Variants in SPMIP4 observed in about 807,000 individuals in gnomAD.
SPMIP4 encodes the protein sperm-associated microtubule inner protein 4.
At chr7:25,142,684 A>G in the SPMIP4 span, 9 of 1,613,342 alleles carry the variant, frequency 5.6e-6, no homozygotes, top group Non-Finnish European at 6.8e-6. Context: ...GGACCTCTCA[A>G]GATTTCTTTG....
chr7:25,146,168 G>A, the SPMIP4 span, among the ~76,000 whole-genome samples: 2 of 152,214 alleles, frequency 1.3e-5, no homozygotes, highest in South Asian at 4.1e-4. Context: ...GAGAGATGGA[G>A]AGAGGGAGCA....
chr7:25,168,359 T>C, the SPMIP4 span: 1 of 1,613,382 alleles, frequency 6.2e-7, no homozygotes, highest in East Asian at 2.2e-5. Context: ...GGCTCATACT[T>C]TGGCCTGTGG....
At chr7:25,176,234 T>C in the SPMIP4 span, among the ~76,000 whole-genome samples, 2 of 152,290 alleles carry the variant, frequency 1.3e-5, no homozygotes, top group African/African-American at 4.8e-5. This position sits in a 1 kb window ranked among gnomAD's most constrained non-coding sequence, Gnocchi z 4.4. Context: ...GGATCAACAT[T>C]TCAGTGAAAA....
At chr7:25,155,049 G>A in the SPMIP4 span, 1 of 1,614,006 alleles carries the variant, frequency 6.2e-7, no homozygotes, top group Non-Finnish European at 8.5e-7. Context: ...AGCCTTGGTT[G>A]GCACCGTGGG....
chr7:25,149,608 C>G, the SPMIP4 span, among the ~76,000 whole-genome samples: 4 of 152,148 alleles, frequency 2.6e-5, no homozygotes, highest in African/African-American at 9.7e-5. Flanking sequence ...GGGATATACA[C>G]ATAACACATT....
chr7:25,158,960 A>T, the SPMIP4 span, among the ~76,000 whole-genome samples: 2 of 152,232 alleles, frequency 1.3e-5, no homozygotes, highest in Non-Finnish European at 2.9e-5. Context: ...TTGACAAGAC[A>T]GGCATATGTT....
the SPMIP4 span, among the ~76,000 whole-genome samples, chr7:25,165,828 G>T: frequency 6.6e-6 from 1 of 152,204 alleles, no homozygotes; most frequent in South Asian, 2.1e-4. Flanking sequence ...GCATGCTATT[G>T]TTGCTGCTGT....
At chr7:25,159,448 G>A in the SPMIP4 span, among the ~76,000 whole-genome samples, 1 of 152,094 alleles carries the variant, frequency 6.6e-6, no homozygotes, top group African/African-American at 2.4e-5. Context: ...GACTAAAGAC[G>A]GGTAATCATC....
chr7:25,175,135 T>C, the SPMIP4 span, among the ~76,000 whole-genome samples: 1 of 144,860 alleles, frequency 6.9e-6, no homozygotes, highest in South Asian at 2.3e-4. Context: ...AATGTCCATA[T>C]ATAGAGGCAG....
chr7:25,136,770 G>A, the SPMIP4 span: 2 of 1,611,294 alleles, frequency 1.2e-6, no homozygotes, highest in Non-Finnish European at 1.7e-6. This position sits in a 1 kb window ranked among gnomAD's most constrained non-coding sequence, Gnocchi z 5.7. Context: ...TGGGAGGTTT[G>A]AAGACAGGGT....
the SPMIP4 span, among the ~76,000 whole-genome samples, chr7:25,158,925 G>C: frequency 6.6e-6 from 1 of 151,708 alleles, no homozygotes; most frequent in Non-Finnish European, 1.5e-5. Flanking sequence ...TAATGTTCTT[G>C]ATTAACTTTC....
the SPMIP4 span, among the ~76,000 whole-genome samples, chr7:25,146,259 C>A: frequency 6.6e-6 from 1 of 152,024 alleles, no homozygotes; most frequent in African/African-American, 2.4e-5. Context: ...GAGAAGAGGA[C>A]GCCTGGTTGG....
At chr7:25,174,122 T>A in the SPMIP4 span, among the ~76,000 whole-genome samples, 2 of 152,212 alleles carry the variant, frequency 1.3e-5, no homozygotes, top group Non-Finnish European at 2.9e-5. This position sits in a 1 kb window ranked among gnomAD's most constrained non-coding sequence, Gnocchi z 4.5. Flanking sequence ...AAATGATAGT[T>A]ATCTGCCAAC....
chr7:25,173,097 T>C, the SPMIP4 span, among the ~76,000 whole-genome samples: 5 of 146,800 alleles, frequency 3.4e-5, no homozygotes, highest in African/African-American at 1.3e-4. This position sits in a 1 kb window ranked among gnomAD's most constrained non-coding sequence, Gnocchi z 4.4. Context: ...GATAGGTAGG[T>C]AGATAGGGAG....
At chr7:25,142,917 C>T in the SPMIP4 span, 13 of 810,106 alleles carry the variant, frequency 1.6e-5, no homozygotes, top group Middle Eastern at 2.7e-4. Flanking sequence ...TCCAGGCTGA[C>T]GTCAGAATGG....
the SPMIP4 span, among the ~76,000 whole-genome samples, chr7:25,157,805 A>G: frequency 6.6e-6 from 1 of 152,208 alleles, no homozygotes; most frequent in Non-Finnish European, 1.5e-5. Flanking sequence ...GGAAATCTGG[A>G]TAAAGCATGG....
At chr7:25,168,915 G>A in the SPMIP4 span, among the ~76,000 whole-genome samples, 3 of 151,386 alleles carry the variant, frequency 2.0e-5, no homozygotes, top group East Asian at 3.9e-4. Flanking sequence ...TAGTAGAGAC[G>A]GGGGTCTCAC....
the SPMIP4 span, among the ~76,000 whole-genome samples, chr7:25,152,401 AC>A: frequency 6.6e-6 from 1 of 152,170 alleles, no homozygotes; most frequent in Non-Finnish European, 1.5e-5. Context: ...TGTTCTGAAC[AC>A]CCATCTTCAT....
chr7:25,156,049 T>C, the SPMIP4 span, among the ~76,000 whole-genome samples: 1 of 152,346 alleles, frequency 6.6e-6, no homozygotes. Flanking sequence ...TCATTACAGA[T>C]ATACTTAGTT....
Sources: allele counts gnomAD v4.1 joint callset (sites outside exome capture counted in the v4.1 genomes callset), GRCh38; gene constraint gnomAD v4.1.1; non-coding constraint Gnocchi (gnomAD v3.1); transcripts MANE v1.5; gene names NCBI Gene and HGNC (gene_info 2026-07-23, HGNC 2026-07-21).